The following GPR158 variants were observed in gnomAD, a reference collection of about 807,000 sequenced individuals.
GPR158 encodes the protein metabotropic glycine receptor.
A neutral mutation model predicts 78.2 loss-of-function variants in GPR158; 30 were observed. The ratio of observed to expected loss-of-function variants is 0.38; its 90% confidence interval spans 0.29 to 0.52. The LOEUF is 0.52. GPR158 is among the 20% of genes least tolerant of loss of function. The probability of loss-of-function intolerance (pLI) is 0.83; values close to 1 mark genes in which losing one functional copy is unlikely to be tolerated. For synonymous variants in GPR158, 581 were observed against 591.1 expected (o/e 0.98, Z 0.25); for missense variants, 1,463 against 1,523.5 (o/e 0.96, Z 0.66).
chr10:25,439,310 A>G (rs1835037708), intron 4 of GPR158, among the ~76,000 whole-genome samples: 1 of 152,224 alleles, frequency 6.6e-6, no homozygotes, highest in African/African-American at 2.4e-5. Context: ...TAAAATTGTC[A>G]GATCTCATGA....
chr10:25,453,818 T>C (rs1041140646), intron 4 of GPR158, among the ~76,000 whole-genome samples: 54 of 152,216 alleles, frequency 3.5e-4, no homozygotes, highest in African/African-American at 1.3e-3. Flanking sequence ...TGCCATGCTG[T>C]TTTGATTACT....
chr10:25,404,833 G>C (rs1834490503), intron 3 of GPR158, among the ~76,000 whole-genome samples: 1 of 152,088 alleles, frequency 6.6e-6, no homozygotes, highest in East Asian at 1.9e-4. Context: ...GGCTTTAGGA[G>C]AGAACTGAGC....
chr10:25,497,944 T>G (rs1290933239), intron 5 of GPR158, among the ~76,000 whole-genome samples: 1 of 152,138 alleles, frequency 6.6e-6, no homozygotes, highest in Non-Finnish European at 1.5e-5. Context: ...CGTTGCTGGG[T>G]TTTAATGTTT....
chr10:25,473,554 G>C (rs1835539758), intron 5 of GPR158, among the ~76,000 whole-genome samples: 1 of 152,102 alleles, frequency 6.6e-6, no homozygotes, highest in African/African-American at 2.4e-5. Flanking sequence ...TTGTACCTCT[G>C]GTAGAATTCG....
intron 2 of GPR158, among the ~76,000 whole-genome samples, chr10:25,250,577 A>T (rs1853780386): frequency 6.7e-6 from 1 of 148,864 alleles, no homozygotes; most frequent in Admixed American, 6.7e-5. Flanking sequence ...TGTACCCAGT[A>T]GTCATTCAGG....
At chr10:25,580,800 G>A (rs1837181986) in intron 7 of GPR158, among the ~76,000 whole-genome samples, 1 of 152,094 alleles carries the variant, frequency 6.6e-6, no homozygotes, top group South Asian at 2.1e-4. Flanking sequence ...ACCATAGCTT[G>A]CTGCAGCTTC....
At chr10:25,516,442 G>T (rs1405148722) in intron 5 of GPR158, among the ~76,000 whole-genome samples, 1 of 151,856 alleles carries the variant, frequency 6.6e-6, no homozygotes, top group Non-Finnish European at 1.5e-5. Context: ...TGAAGTCCTT[G>T]CCCATGCCTA....
chr10:25,461,972 C>A (rs1835363471), intron 4 of GPR158, among the ~76,000 whole-genome samples: 1 of 151,996 alleles, frequency 6.6e-6, no homozygotes, highest in Admixed American at 6.6e-5. Context: ...GATCTCCTGA[C>A]CTTGTGATCC....
intron 2 of GPR158, among the ~76,000 whole-genome samples, chr10:25,352,636 C>A (rs35677680): frequency 6.6e-6 from 1 of 151,870 alleles, no homozygotes; most frequent in African/African-American, 2.4e-5. Context: ...TTTTATAAGC[C>A]TACCCTGGCA....
intron 2 of GPR158, among the ~76,000 whole-genome samples, chr10:25,294,051 G>C (rs1288340769): frequency 6.6e-6 from 1 of 152,050 alleles, no homozygotes; most frequent in Non-Finnish European, 1.5e-5. Context: ...ACCGAAACCT[G>C]TAATCTTATA....
intron 2 of GPR158, among the ~76,000 whole-genome samples, chr10:25,387,232 C>A (rs559045146): frequency 6.6e-6 from 1 of 152,042 alleles, no homozygotes; most frequent in Non-Finnish European, 1.5e-5. Context: ...TTGAGATGAT[C>A]GTTTGGTTTT....
intron 4 of GPR158, among the ~76,000 whole-genome samples, chr10:25,435,657 GA>G (rs1453586684): frequency 6.6e-6 from 1 of 152,214 alleles, no homozygotes; most frequent in Non-Finnish European, 1.5e-5. Context: ...AGTGCAGTCA[GA>G]AGCCACTCAA....
chr10:25,436,459 T>C (rs1212036836), intron 4 of GPR158, among the ~76,000 whole-genome samples: 1 of 152,154 alleles, frequency 6.6e-6, no homozygotes, highest in Non-Finnish European at 1.5e-5. Context: ...GTAGGAAGTA[T>C]AGAAAGAAGA....
intron 2 of GPR158, among the ~76,000 whole-genome samples, chr10:25,288,279 TA>T (rs755805032): frequency 4.4e-4 from 67 of 152,130 alleles, no homozygotes; most frequent in Admixed American, 8.5e-4. Flanking sequence ...ACTTCCCAAA[TA>T]AAAGTATAAA....
chr10:25,322,108 C>T (rs944491603), intron 2 of GPR158, among the ~76,000 whole-genome samples: 3 of 152,102 alleles, frequency 2.0e-5, no homozygotes, highest in African/African-American at 4.8e-5. Context: ...TACGGCCAGG[C>T]GCGGTGGCTC....
intron 2 of GPR158, among the ~76,000 whole-genome samples, chr10:25,338,160 A>G (rs892662422): frequency 6.6e-6 from 1 of 151,398 alleles, no homozygotes; most frequent in Non-Finnish European, 1.5e-5. Flanking sequence ...TTATAATTGT[A>G]GTTTCTGTGT....
chr10:25,423,113 A>ATGTACG (rs1564451140), intron 4 of GPR158, among the ~76,000 whole-genome samples: 2 of 148,056 alleles, frequency 1.4e-5, no homozygotes, highest in Non-Finnish European at 3.0e-5. Flanking sequence ...ATGTCTACAC[A>ATGTACG]TATATACATA....
chr10:25,357,948 C>A (rs1855575995), intron 2 of GPR158, among the ~76,000 whole-genome samples: 1 of 152,062 alleles, frequency 6.6e-6, no homozygotes, highest in South Asian at 2.1e-4. Context: ...GGAGGCTATA[C>A]CCTGCAAAAC....
intron 4 of GPR158, among the ~76,000 whole-genome samples, chr10:25,427,460 C>T (rs1030000600): frequency 6.6e-6 from 1 of 152,088 alleles, no homozygotes; most frequent in African/African-American, 2.4e-5. Flanking sequence ...AGGAACTGGT[C>T]ACTGGTTGGA....
Sources: allele counts gnomAD v4.1 joint callset (sites outside exome capture counted in the v4.1 genomes callset), GRCh38; gene constraint gnomAD v4.1.1; transcripts MANE v1.5; gene names NCBI Gene and HGNC (gene_info 2026-07-23, HGNC 2026-07-21).